The following PHF21B variants were observed in gnomAD, a reference collection of about 807,000 sequenced individuals.
The protein encoded by PHF21B is PHD finger protein 21B, also known as PHD finger protein 4.
PHF21B carries 22 observed loss-of-function variants against 62.2 expected under a neutral mutation model. The ratio of observed to expected loss-of-function variants is 0.35; its 90% CI spans 0.25 to 0.51. The LOEUF (loss-of-function observed/expected upper bound fraction) is 0.51, where lower values mean the gene tolerates loss of function less well. Among genes scored for constraint, PHF21B ranks in the 20% least tolerant of loss-of-function variants. PHF21B has a pLI of 0.97. For missense variants in PHF21B, 701 were observed against 707.9 expected, an observed-to-expected ratio of 0.99 and a Z score of 0.11; for synonymous variants, 341 against 314.7, an observed-to-expected ratio of 1.08 and a Z score of -0.88.
rs888276965 is a variant in PHF21B at position 44,901,354 on chromosome 22, C to T, written c.832-5271G>A. ...CATCATCTTCTCCTCCCCGAGTCCC[C>T]TCCACTGACACTCATTTGAAGACAG... is the stretch of plus-strand genomic sequence containing the variant. On this transcript the variant is annotated intron_variant, in intron 5 of 12. Transcript: ENST00000313237. 2.6e-5 allele frequency among the ~76,000 whole-genome samples: 4 copies of T among 152,212 alleles called. No individual in the cohort carries two copies. In the East Asian group the frequency reaches 7.7e-4, roughly 29 times the overall value.
intron 2 of PHF21B, among the ~76,000 whole-genome samples, chr22:44,922,858 A>G (rs1034754718): frequency 6.6e-6 from 1 of 152,260 alleles, no homozygotes; most frequent in African/African-American, 2.4e-5. Context: ...ACCATGAATC[A>G]GAAGCCTCAA....
At chr22:44,942,834 A>C (rs1667064431) in intron 2 of PHF21B, among the ~76,000 whole-genome samples, 1 of 152,164 alleles carries the variant, frequency 6.6e-6, no homozygotes, top group South Asian at 2.1e-4. Flanking sequence ...CCCTTGCCCC[A>C]GCTGGACCTG....
At chr22:44,912,805 G>A (rs1010491018) in intron 5 of PHF21B, among the ~76,000 whole-genome samples, 1 of 144,378 alleles carries the variant, frequency 6.9e-6, no homozygotes, top group Non-Finnish European at 1.5e-5. Flanking sequence ...CTTGAGCCCA[G>A]GAGGTTGAGG....
chr22:44,981,014 A>C (rs1228854552), intron 2 of PHF21B, among the ~76,000 whole-genome samples: 2 of 152,246 alleles, frequency 1.3e-5, no homozygotes, highest in African/African-American at 2.4e-5. Context: ...GCAAAACGGG[A>C]AATAAATAAG....
chr22:44,884,338 TTAG>T lies in PHF21B; in HGVS notation c.1378-1037_1378-1035del, dbSNP rs2070806520. Among the ~76,000 whole-genome samples the T allele has an allele frequency of 1.5e-4, 8 of 52,662 alleles. 1 individual carries two copies. The highest frequency in any genetic ancestry group is 2.1e-4 in the Non-Finnish European group (6 of 28,926). The allele number at this position is 52,662 out of a possible 152,430, so 34.5% of individuals were successfully genotyped here. On this transcript the variant is annotated intron_variant, in intron 12 of 12. Coordinates refer to ENST00000313237, the MANE Select transcript of PHF21B (RefSeq NM_138415.5). ...GTGATCAGCACCATCACCACCATCA[TTAG>T]CACCATCACCACCACGATCACCAAC...
intron 1 of PHF21B, chr22:45,008,835 G>T: frequency 8.5e-7 from 1 of 1,182,776 alleles, no homozygotes; most frequent in South Asian, 4.2e-5. Context: ...GGGGCGGGGC[G>T]GGGGCCGAGG....
intron 5 of PHF21B, among the ~76,000 whole-genome samples, chr22:44,900,595 C>G (rs1007124209): frequency 6.6e-6 from 1 of 152,220 alleles, no homozygotes; most frequent in Admixed American, 6.5e-5. Flanking sequence ...GCCACTGCAC[C>G]CGGCTAGATT....
At chr22:44,929,011 C>T (rs1043973581) in intron 2 of PHF21B, among the ~76,000 whole-genome samples, 57 of 129,652 alleles carry the variant, frequency 4.4e-4, no homozygotes, top group Non-Finnish European at 9.2e-4. Flanking sequence ...CCATGGAAGG[C>T]GGCCTTGCTC....
Position 44,943,729 on chromosome 22 carries a change from G to A in PHF21B, c.121-23239C>T, listed in dbSNP as rs557464104. On this transcript the variant is annotated intron_variant, in intron 2 of 12. Coordinates refer to ENST00000313237, the MANE Select transcript of PHF21B (RefSeq NM_138415.5). Reference sequence around the variant, plus strand: ...CACATGACAGCGACTCCTGGGCCGTGTGACACTCACCCTCAGCTCTCACCT... The same window carrying A: ...CACATGACAGCGACTCCTGGGCCGTATGACACTCACCCTCAGCTCTCACCT... 2.2e-4 allele frequency among the ~76,000 whole-genome samples: 33 copies of A among 152,276 alleles called. No homozygotes were observed. The South Asian group carries it at 6.6e-3, about 31-fold the overall frequency.
At chr22:44,973,715 TAC>T (rs1601664454) in intron 2 of PHF21B, among the ~76,000 whole-genome samples, 1 of 151,648 alleles carries the variant, frequency 6.6e-6, no homozygotes, top group Non-Finnish European at 1.5e-5. Flanking sequence ...AACTAACATA[TAC>T]AGAGTACCCA....
chr22:44,985,958 T>G (rs1569274502), intron 2 of PHF21B, among the ~76,000 whole-genome samples: 1 of 136,540 alleles, frequency 7.3e-6, no homozygotes. Context: ...TGATCACCAT[T>G]ATCACCAACA....
intron 2 of PHF21B, among the ~76,000 whole-genome samples, chr22:44,962,094 G>A (rs1306749344): frequency 6.6e-6 from 1 of 152,056 alleles, no homozygotes; most frequent in Non-Finnish European, 1.5e-5. Context: ...TGTCTTTTGG[G>A]TAGAATGATG....
intron 3 of PHF21B, among the ~76,000 whole-genome samples, chr22:44,917,733 C>A (rs1601597264): frequency 1.3e-5 from 2 of 152,208 alleles, no homozygotes; most frequent in East Asian, 3.9e-4. Context: ...TACTGCCCCG[C>A]CCATCTCCTC....
chr22:44,927,960 G>A (rs1031957739), intron 2 of PHF21B, among the ~76,000 whole-genome samples: 2 of 152,172 alleles, frequency 1.3e-5, no homozygotes, highest in Non-Finnish European at 1.5e-5. Flanking sequence ...GTCTGGGGCG[G>A]GGCGGGGCAC....
rs1261336667 is a variant in PHF21B at position 44,888,041 on chromosome 22, G to A, written c.1119C>T (p.Ala373=). The change falls in exon 10 of 13, where the codon GCC becomes GCT. Residue 373 remains alanine, a synonymous_variant. Transcript: ENST00000313237. The part of the protein sequence containing the change: ...NLQPCGTCPG[A]YHLSCLEPPL... The stretch of plus-strand genomic sequence containing the variant: ...GCGGCTCCAGGCAGCTGAGGTGGTA[G>A]GCCCCCGGGCAGGTGCCGCAGGGCT... The A allele has an allele frequency of 1.3e-6, 2 of 1,556,968 alleles. No individual in the cohort carries two copies. The highest frequency in any genetic ancestry group is 1.2e-5 in the South Asian group (1 of 84,436).
At chr22:44,921,468 G>A (rs921710322) in intron 2 of PHF21B, among the ~76,000 whole-genome samples, 9 of 151,552 alleles carry the variant, frequency 5.9e-5, no homozygotes, top group Non-Finnish European at 8.8e-5. Flanking sequence ...CCGGGTTCAC[G>A]CCATTCTCCT....
intron 2 of PHF21B, among the ~76,000 whole-genome samples, chr22:44,965,335 C>T (rs572898312): frequency 6.6e-6 from 1 of 152,122 alleles, no homozygotes; most frequent in Admixed American, 6.5e-5. Context: ...AGATGTGGGT[C>T]CTTTGGGTCT....
In PHF21B at chr22:44,914,148, T is replaced by C. The variant is rs901763841; in HGVS notation, c.565-60A>G. 1.3e-5 allele frequency: 7 copies of C among 532,554 alleles called. No individual in the cohort carries two copies. The African/African-American group carries it at 1.4e-4, about 11-fold the overall frequency. 33.0% of individuals were successfully genotyped at this position (532,554 alleles called of 1,614,324 possible). On this transcript the variant is annotated intron_variant, in intron 4 of 12. Transcript: ENST00000313237. ...GGAAGAGTGAGGGGGGCTGGGGAGGTAGCTGGTATGGCACAGGGCAGGGGT... is the reference window on the plus strand; with the variant it reads ...GGAAGAGTGAGGGGGGCTGGGGAGGCAGCTGGTATGGCACAGGGCAGGGGT...
At chr22:44,977,304 C>T (rs945353323) in intron 2 of PHF21B, among the ~76,000 whole-genome samples, 1 of 151,902 alleles carries the variant, frequency 6.6e-6, no homozygotes, top group African/African-American at 2.4e-5. Context: ...GTGGCTCACA[C>T]CTGTAATCCC....
Sources: allele counts gnomAD v4.1 joint callset (sites outside exome capture counted in the v4.1 genomes callset), GRCh38; gene constraint gnomAD v4.1.1; transcripts MANE v1.5; gene names NCBI Gene and HGNC (gene_info 2026-07-23, HGNC 2026-07-21).